Variants in PTAFR observed in about 807,000 individuals in gnomAD.
PTAFR encodes the protein platelet activating factor receptor.
A neutral mutation model predicts 14.7 loss-of-function variants in PTAFR; 8 were observed. The ratio of observed to expected loss-of-function variants is 0.54; its 90% CI spans 0.32 to 0.98. PTAFR has a LOEUF of 0.98. PTAFR is among the 50% of genes least tolerant of loss of function. The pLI is 0.04. For synonymous variants in PTAFR, 156 were observed against 176.5 expected, an observed-to-expected ratio of 0.88 and a Z score of 0.92; for missense variants, 337 against 451.2, an observed-to-expected ratio of 0.75 and a Z score of 2.29.
At chr1:28,164,978 G>T (rs1057103018) in intron 1 of PTAFR, among the ~76,000 whole-genome samples, 15 of 152,268 alleles carry the variant, frequency 9.9e-5, no homozygotes, top group Non-Finnish European at 2.2e-4. Flanking sequence ...CAACCACTAA[G>T]CTCATCCTGT....
At chr1:28,174,831 C>T (rs1275734376) in intron 1 of PTAFR, among the ~76,000 whole-genome samples, 2 of 152,226 alleles carry the variant, frequency 1.3e-5, no homozygotes, top group Non-Finnish European at 2.9e-5. Flanking sequence ...TCATCAGTCC[C>T]CTTTGCGCAG....
chr1:28,176,348 T>A (rs1194798920), intron 1 of PTAFR, among the ~76,000 whole-genome samples: 1 of 140,404 alleles, frequency 7.1e-6, no homozygotes, highest in Non-Finnish European at 1.5e-5. Flanking sequence ...GAGGCTGAAG[T>A]GGGAGGATCA....
rs761183008 is a variant in PTAFR at position 28,150,040 on chromosome 1, C to T, written c.982G>A (p.Val328Met). The T allele has an allele frequency of 9.3e-6, 15 of 1,614,150 alleles. No homozygotes were observed. The South Asian group carries it at 1.2e-4, about 13-fold the overall frequency. Reference sequence around the variant, plus strand: ...GGGATCTGGTTGAATGGCACAACCACTTCAGTGACCGTATCCGTGGTGGCC... The same window carrying T: ...GGGATCTGGTTGAATGGCACAACCATTTCAGTGACCGTATCCGTGGTGGCC... ...SRATTDTVTE[V>M]VVPFNQIPGN... Residue 328 changes from valine (V) to methionine (M), a missense_variant, in exon 2 of 2, where the codon GTG becomes ATG. By Grantham distance (21) the Val-to-Met change is conservative (BLOSUM62 1). Transcript: ENST00000373857. The surrounding 1 kb of genome is among the most constrained non-coding windows in gnomAD (Gnocchi z 6.3).
chr1:28,157,628 TG>T (rs1336671883), intron 1 of PTAFR, among the ~76,000 whole-genome samples: 5 of 149,356 alleles, frequency 3.3e-5, no homozygotes, highest in East Asian at 1.9e-4. Flanking sequence ...GCATTAATTT[TG>T]ATTTTTTTTT....
intron 1 of PTAFR, among the ~76,000 whole-genome samples, chr1:28,151,437 C>CA (rs1389826236): frequency 6.6e-6 from 1 of 152,096 alleles, no homozygotes; most frequent in African/African-American, 2.4e-5. Flanking sequence ...CTCGGCCTCC[C>CA]AAAGTGCTGG....
At chr1:28,185,099 T>C (rs1344399593) in intron 1 of PTAFR, among the ~76,000 whole-genome samples, 3 of 152,232 alleles carry the variant, frequency 2.0e-5, no homozygotes, top group Non-Finnish European at 2.9e-5. Flanking sequence ...GCTCTCATCC[T>C]GCTTTCCTTT....
intron 1 of PTAFR, among the ~76,000 whole-genome samples, chr1:28,191,201 G>T (rs759593059): frequency 3.3e-5 from 5 of 152,296 alleles, no homozygotes; most frequent in Admixed American, 6.5e-5. Flanking sequence ...GCCAGGCCTC[G>T]CGGGGGAGGC....
chr1:28,157,941 T>G (rs1375179464), intron 1 of PTAFR, among the ~76,000 whole-genome samples: 3 of 152,146 alleles, frequency 2.0e-5, no homozygotes, highest in African/African-American at 7.2e-5. Context: ...TTTTGAGTTT[T>G]TAAAAAAACC....
At chr1:28,187,314 T>C (rs1336044901) in intron 1 of PTAFR, among the ~76,000 whole-genome samples, 1 of 151,896 alleles carries the variant, frequency 6.6e-6, no homozygotes, top group Non-Finnish European at 1.5e-5. Context: ...TCAATAAGAG[T>C]AGATATTAGC....
chr1:28,153,915 G>A (rs114849854), intron 1 of PTAFR, among the ~76,000 whole-genome samples: 4 of 151,696 alleles, frequency 2.6e-5, no homozygotes, highest in Admixed American at 6.6e-5. Context: ...TTAGCAAGGC[G>A]TGGTGGTGCT....
upstream of PTAFR, among the ~76,000 whole-genome samples, chr1:28,181,521 C>T (rs527581344): frequency 1.3e-4 from 19 of 151,774 alleles, no homozygotes; most frequent in African/African-American, 3.9e-4. Context: ...CTGAGGCGGG[C>T]GGATCACCTG....
chr1:28,161,588 C>T (rs1308200886), intron 1 of PTAFR, among the ~76,000 whole-genome samples: 2 of 152,072 alleles, frequency 1.3e-5, no homozygotes, highest in South Asian at 4.1e-4. Context: ...CTCAAGTGAT[C>T]TGCCTGATTT....
At chr1:28,158,910 C>A (rs1465509550) in intron 1 of PTAFR, among the ~76,000 whole-genome samples, 1 of 152,132 alleles carries the variant, frequency 6.6e-6, no homozygotes, top group Non-Finnish European at 1.5e-5. Flanking sequence ...CAAAGAGACA[C>A]GTGCAGTCGT....
Position 28,148,981 on chromosome 1 carries a change from G to T in PTAFR, c.*1012C>A. 1 of 152,282 alleles carries T rather than the reference G, an allele frequency of 6.6e-6. No individual in the cohort carries two copies. The highest frequency in any genetic ancestry group is 1.5e-5 in the Non-Finnish European group (1 of 68,072). The allele number at this position is 152,282 out of a possible 1,614,324, so 9.4% of individuals were successfully genotyped here. On this transcript the variant is annotated 3_prime_UTR_variant, in exon 2 of 2. Transcript: ENST00000373857. Reference sequence around the variant, plus strand: ...GGGACTATTGTTGAGACAGAAAGAGGAGGTGGGCATCTCCTTCCCACTCCC... The same window carrying T: ...GGGACTATTGTTGAGACAGAAAGAGTAGGTGGGCATCTCCTTCCCACTCCC...
intron 1 of PTAFR, among the ~76,000 whole-genome samples, chr1:28,154,086 A>G (rs1381073343): frequency 2.0e-5 from 3 of 147,496 alleles, no homozygotes; most frequent in Non-Finnish European, 4.5e-5. Flanking sequence ...TCTCAGAAAA[A>G]AAAAAAAAAA....
chr1:28,166,544 G>A (rs183221022), intron 1 of PTAFR, among the ~76,000 whole-genome samples: 2 of 152,178 alleles, frequency 1.3e-5, no homozygotes, highest in Non-Finnish European at 2.9e-5. Flanking sequence ...GATGGCGGGT[G>A]CCTGTAATCC....
chr1:28,190,307 T>G (rs1384519223), intron 1 of PTAFR, among the ~76,000 whole-genome samples: 1 of 152,162 alleles, frequency 6.6e-6, no homozygotes, highest in Non-Finnish European at 1.5e-5. Flanking sequence ...ATTATTATGC[T>G]GGAGAATGCA....
intron 1 of PTAFR, among the ~76,000 whole-genome samples, chr1:28,183,258 A>C (rs1033397666): frequency 3.3e-5 from 5 of 152,310 alleles, no homozygotes; most frequent in Admixed American, 2.6e-4. Flanking sequence ...AATGACAGAA[A>C]AGGGGCTCCA....
intron 1 of PTAFR, among the ~76,000 whole-genome samples, chr1:28,155,616 A>G (rs1367491294): frequency 6.6e-6 from 1 of 152,138 alleles, no homozygotes; most frequent in Non-Finnish European, 1.5e-5. Flanking sequence ...TGTAATCTCA[A>G]CACTCTGGGA....
Sources: gnomAD v4.1 joint callset for allele counts (sites outside exome capture counted in the v4.1 genomes callset) on GRCh38, gnomAD v4.1.1 for gene constraint, Gnocchi (gnomAD v3.1) non-coding constraint, MANE v1.5 for transcripts, NCBI Gene and HGNC (gene_info 2026-07-23, HGNC 2026-07-21) for gene names.